The following DYNC1I1 variants were observed in gnomAD, a reference collection of about 807,000 sequenced individuals.
DYNC1I1 encodes the protein cytoplasmic dynein 1 intermediate chain 1.
In DYNC1I1, 43 loss-of-function variants were observed where a neutral mutation model predicts 86.6. That is an observed-to-expected ratio of 0.50 (90% confidence interval 0.39 to 0.64). DYNC1I1 has a LOEUF of 0.64. Among genes scored for constraint, DYNC1I1 ranks in the 30% least tolerant of loss-of-function variants. The probability of loss-of-function intolerance (pLI) is 0.00; values close to 1 mark genes in which losing one functional copy is unlikely to be tolerated. For synonymous variants in DYNC1I1, 262 were observed against 283.7 expected (o/e 0.92, Z 0.77); for missense variants, 604 against 788.8 (o/e 0.77, Z 2.81).
downstream of DYNC1I1, among the ~76,000 whole-genome samples, chr7:96,099,202 G>T (rs369516259): frequency 6.6e-6 from 1 of 152,176 alleles, no homozygotes; most frequent in African/African-American, 2.4e-5. Flanking sequence ...GGTGAGTGAT[G>T]ATGTGAAAAG....
Position 95,902,392 on chromosome 7 carries a change from G to A in DYNC1I1, c.490+32394G>A, listed in dbSNP as rs568540788. Among the ~76,000 whole-genome samples, 5 of 152,198 alleles carry A rather than the reference G, an allele frequency of 3.3e-5. No homozygotes were observed. The South Asian group carries it at 1.0e-3, about 32-fold the overall frequency. ...TTATATATATTTAAATGCCCCCTTT[G>A]CTACACTGGTTTTAGCTTCTTGTTA... On this transcript the variant is annotated intron_variant, in intron 6 of 16. Transcript: ENST00000447467.
chr7:95,775,837 C>A (rs781511260), intron 1 of DYNC1I1, among the ~76,000 whole-genome samples: 9 of 152,192 alleles, frequency 5.9e-5, no homozygotes, highest in Non-Finnish European at 8.8e-5. Flanking sequence ...GGGAACTGTG[C>A]TGGAACTAGG....
At chr7:96,059,919 G>T (rs992752492) in intron 14 of DYNC1I1, among the ~76,000 whole-genome samples, 1 of 152,100 alleles carries the variant, frequency 6.6e-6, no homozygotes, top group Admixed American at 6.5e-5. Flanking sequence ...TGGTCTTTTT[G>T]GCCTACTAAG....
At chr7:95,910,074 T>A (rs1001896704) in intron 6 of DYNC1I1, among the ~76,000 whole-genome samples, 3 of 152,210 alleles carry the variant, frequency 2.0e-5, no homozygotes, top group Non-Finnish European at 4.4e-5. Flanking sequence ...CCCCACCTTG[T>A]CACCCCTATA....
intron 6 of DYNC1I1, among the ~76,000 whole-genome samples, chr7:95,885,262 G>A (rs758311517): frequency 6.6e-6 from 1 of 152,032 alleles, no homozygotes; most frequent in African/African-American, 2.4e-5. Flanking sequence ...CCACCTCCCA[G>A]GTTCAAGTGA....
intron 6 of DYNC1I1, among the ~76,000 whole-genome samples, chr7:95,943,649 CAG>C (rs1792306041): frequency 6.8e-6 from 1 of 146,852 alleles, no homozygotes; most frequent in Non-Finnish European, 1.5e-5. Context: ...GTAACCAAAA[CAG>C]CATGGTACTG....
Position 95,851,678 on chromosome 7 carries a change from T to C in DYNC1I1, c.375-18205T>C, listed in dbSNP as rs572204766. ...AGATATATGACTATAGTCTTCTTTTTTTTAGACCAGAGTTTCGCTCTTGTT... is the reference window on the plus strand; with the variant it reads ...AGATATATGACTATAGTCTTCTTTTCTTTAGACCAGAGTTTCGCTCTTGTT... On this transcript the variant is annotated intron_variant, in intron 5 of 16. Transcript: ENST00000447467. 8.5e-5 allele frequency among the ~76,000 whole-genome samples: 13 copies of C among 152,328 alleles called. No homozygotes were observed. The East Asian group carries it at 2.5e-3, about 29-fold the overall frequency.
chr7:96,031,240 C>A (rs1018724229), intron 11 of DYNC1I1, among the ~76,000 whole-genome samples: 1 of 152,034 alleles, frequency 6.6e-6, no homozygotes, highest in Non-Finnish European at 1.5e-5. Context: ...CAAAATACAG[C>A]ATTTTCAAAA....
At chr7:95,799,028 A>G (rs916292174) in intron 1 of DYNC1I1, among the ~76,000 whole-genome samples, 8 of 152,166 alleles carry the variant, frequency 5.3e-5, no homozygotes, top group Non-Finnish European at 7.4e-5. Flanking sequence ...CTCCCTCCTC[A>G]GTATCCACAT....
chr7:95,820,905 T>C (rs1012072946), intron 4 of DYNC1I1, among the ~76,000 whole-genome samples: 10 of 152,208 alleles, frequency 6.6e-5, no homozygotes, highest in African/African-American at 2.4e-4. Context: ...TTAGATAAGA[T>C]ATGCTTTCCT....
rs557630965 is a variant in DYNC1I1, at chr7:95,989,426, G to C, written c.843+2271G>C. 2.0e-5 allele frequency among the ~76,000 whole-genome samples: 3 copies of C among 152,332 alleles called. No homozygotes were observed. The East Asian group carries it at 5.8e-4, about 29-fold the overall frequency. Reference sequence around the variant, plus strand: ...GTGGGTGGTCTCTGAGCATGCTTGAGTGTGTGCACAGAAATCAGATCCAAG... The same window carrying C: ...GTGGGTGGTCTCTGAGCATGCTTGACTGTGTGCACAGAAATCAGATCCAAG... On this transcript the variant is annotated intron_variant, in intron 9 of 16. Coordinates refer to ENST00000447467, the MANE Select transcript of DYNC1I1 (RefSeq NM_001135556.2).
rs6968143 is a variant in DYNC1I1 at position 95,984,710 on chromosome 7, G to C, written c.581-105G>C. 0.093 allele frequency: 104,869 copies of C among 1,123,990 alleles called. 5,368 individuals are homozygous for C. Among genetic ancestry groups the C allele is most frequent in the Middle Eastern group, 0.1 (407 of 3,968 alleles). The allele number at this position is 1,123,990 out of a possible 1,614,324, so 69.6% of individuals were successfully genotyped here. On this transcript the variant is annotated intron_variant, in intron 7 of 16. Coordinates refer to ENST00000447467, the MANE Select transcript of DYNC1I1 (RefSeq NM_001135556.2). ...TTTGTTTCACTGTGTCTTGCCACTC[G>C]TTTGATAAGCAGTCTCTCTCAAGAA...
chr7:95,878,636 G>T (rs575532850), intron 6 of DYNC1I1, among the ~76,000 whole-genome samples: 2 of 152,118 alleles, frequency 1.3e-5, no homozygotes, highest in South Asian at 2.1e-4. Flanking sequence ...ATGCCAGAAG[G>T]ATAGATCAAA....
At chr7:95,808,800 G>A (rs1794761430) in intron 2 of DYNC1I1, among the ~76,000 whole-genome samples, 1 of 152,104 alleles carries the variant, frequency 6.6e-6, no homozygotes, top group Non-Finnish European at 1.5e-5. Context: ...GCTGAGAAAG[G>A]CACCTTGAAG....
At chr7:95,847,507 A>AT (rs1196029052) in intron 5 of DYNC1I1, among the ~76,000 whole-genome samples, 1 of 152,048 alleles carries the variant, frequency 6.6e-6, no homozygotes, top group African/African-American at 2.4e-5. Context: ...TTTAGACTAT[A>AT]TTTTTTTACA....
chr7:96,085,756 T>C lies in DYNC1I1; in HGVS notation c.1776+5268T>C, dbSNP rs1790659150. On this transcript the variant is annotated intron_variant, in intron 16 of 16. Coordinates refer to ENST00000447467, the MANE Select transcript of DYNC1I1 (RefSeq NM_001135556.2). ...ATGCACCATTTAAATTTTCTGAGAT[T>C]CAAAATTAAAAATGAGCCTAGCTTC... Among the ~76,000 whole-genome samples the C allele has an allele frequency of 2.6e-5, 4 of 152,180 alleles. No homozygotes were observed. In the South Asian group the frequency reaches 8.3e-4, roughly 32 times the overall value.
chr7:95,913,359 A>G (rs1791387585), intron 6 of DYNC1I1, among the ~76,000 whole-genome samples: 1 of 152,026 alleles, frequency 6.6e-6, no homozygotes, highest in African/African-American at 2.4e-5. Context: ...ACATGGTAAT[A>G]TGGTTTGGCT....
At chr7:96,002,971 G>C (rs183837230) in intron 10 of DYNC1I1, among the ~76,000 whole-genome samples, 1 of 152,048 alleles carries the variant, frequency 6.6e-6, no homozygotes, top group East Asian at 1.9e-4. Context: ...AGCCTCCCAA[G>C]TAGCTGGGAT....
chr7:95,899,451 TC>T (rs1468745136), intron 6 of DYNC1I1, among the ~76,000 whole-genome samples: 2 of 152,184 alleles, frequency 1.3e-5, no homozygotes, highest in African/African-American at 4.8e-5. Flanking sequence ...GGTCAGCGTT[TC>T]CCCATACTGG....
Sources: allele counts gnomAD v4.1 joint callset (sites outside exome capture counted in the v4.1 genomes callset), GRCh38; gene constraint gnomAD v4.1.1; transcripts MANE v1.5; gene names NCBI Gene and HGNC (gene_info 2026-07-23, HGNC 2026-07-21).